COLGALT2: variants seen among roughly 807,000 people sequenced by gnomAD.
COLGALT2 encodes procollagen galactosyltransferase 2.
A neutral mutation model predicts 73.4 loss-of-function variants in COLGALT2; 49 were observed. That is an observed-to-expected ratio of 0.67 (90% confidence interval 0.53 to 0.85). COLGALT2 has a LOEUF of 0.85. COLGALT2 is among the 40% of genes least tolerant of loss of function. COLGALT2 has a pLI of 0.00. For synonymous variants in COLGALT2, 295 were observed against 307.6 expected, an observed-to-expected ratio of 0.96 and a Z score of 0.43; for missense variants, 722 against 790.2, an observed-to-expected ratio of 0.91 and a Z score of 1.03.
chr1:183,986,506 CCAAT>C (rs1671492036), intron 1 of COLGALT2, among the ~76,000 whole-genome samples: 1 of 152,116 alleles, frequency 6.6e-6, no homozygotes, highest in Non-Finnish European at 1.5e-5. Context: ...ATTCAAGCAA[CCAAT>C]CAATTTCATC....
At chr1:183,986,622 A>C (rs963476954) in intron 1 of COLGALT2, among the ~76,000 whole-genome samples, 1 of 152,186 alleles carries the variant, frequency 6.6e-6, no homozygotes, top group Non-Finnish European at 1.5e-5. Context: ...AAAATTAATA[A>C]ACTTAATTAA....
At chr1:183,967,046 G>A (rs1572644485) in intron 5 of COLGALT2, among the ~76,000 whole-genome samples, 1 of 152,246 alleles carries the variant, frequency 6.6e-6, no homozygotes, top group African/African-American at 2.4e-5. Context: ...AAAGTGCTTT[G>A]CTTTGAAACT....
chr1:184,012,038 T>G (rs1051953992), intron 1 of COLGALT2, among the ~76,000 whole-genome samples: 21 of 152,222 alleles, frequency 1.4e-4, no homozygotes, highest in Non-Finnish European at 2.2e-4. Context: ...CTGTTGAGGA[T>G]GACATTTCTC....
intron 10 of COLGALT2, among the ~76,000 whole-genome samples, chr1:183,942,256 T>C (rs996164236): frequency 6.6e-6 from 1 of 152,138 alleles, no homozygotes; most frequent in Non-Finnish European, 1.5e-5. Context: ...CCCAGTTTAC[T>C]TAAACAGCTG....
intron 1 of COLGALT2, among the ~76,000 whole-genome samples, chr1:183,998,337 T>A (rs1465053934): frequency 6.6e-6 from 1 of 152,226 alleles, no homozygotes; most frequent in Non-Finnish European, 1.5e-5. Context: ...TTTTTGCCCA[T>A]TTTTCTGTTA....
intron 6 of COLGALT2, among the ~76,000 whole-genome samples, chr1:183,955,205 T>G (rs941698212): frequency 2.6e-5 from 4 of 152,172 alleles, no homozygotes; most frequent in Non-Finnish European, 4.4e-5. Flanking sequence ...TTAAGCTCAT[T>G]TCTTTGGTGT....
intron 6 of COLGALT2, among the ~76,000 whole-genome samples, chr1:183,960,267 TC>T (rs1381997059): frequency 1.3e-5 from 2 of 152,232 alleles, no homozygotes; most frequent in Admixed American, 6.5e-5. Flanking sequence ...AAGTCAGCTC[TC>T]CTTCAGCATG....
downstream of COLGALT2, among the ~76,000 whole-genome samples, chr1:183,935,302 G>T (rs891070814): frequency 6.6e-6 from 1 of 152,192 alleles, no homozygotes; most frequent in Non-Finnish European, 1.5e-5. Flanking sequence ...GCCCCACACA[G>T]CAGTAGGGAC....
At chr1:184,033,976 G>A (rs1236652215) in intron 1 of COLGALT2, among the ~76,000 whole-genome samples, 1 of 152,238 alleles carries the variant, frequency 6.6e-6, no homozygotes, top group Non-Finnish European at 1.5e-5. Context: ...TGGCTTTGCA[G>A]AATGGATACT....
chr1:184,003,861 A>G (rs1429192834), intron 1 of COLGALT2, among the ~76,000 whole-genome samples: 1 of 152,214 alleles, frequency 6.6e-6, no homozygotes, highest in African/African-American at 2.4e-5. Context: ...TTCCACTAGT[A>G]ACACGACTCT....
chr1:183,935,902 C>T lies in COLGALT2; in HGVS notation c.*2859G>A, dbSNP rs1669938374. The T allele has an allele frequency of 1.0e-6, 1 of 985,346 alleles. No individual in the cohort carries two copies. The highest frequency in any genetic ancestry group is 1.1e-4 in the East Asian group (1 of 8,832). 61.0% of individuals were successfully genotyped at this position (985,346 alleles called of 1,614,324 possible). A position where few individuals can be genotyped will look rare whatever the true frequency, so the allele number is the denominator to read the frequency against. On this transcript the variant is annotated 3_prime_UTR_variant, in exon 12 of 12. Transcript: ENST00000361927. Reference sequence around the variant, plus strand: ...AGGCAAATAGTTTATCACTTCCCCACTCTGAAATAGCACGCAAGACAGATG... The same window carrying T: ...AGGCAAATAGTTTATCACTTCCCCATTCTGAAATAGCACGCAAGACAGATG...
At chr1:183,988,285 A>G (rs1671539951) in intron 1 of COLGALT2, among the ~76,000 whole-genome samples, 1 of 152,230 alleles carries the variant, frequency 6.6e-6, no homozygotes, top group African/African-American at 2.4e-5. Context: ...AACACCGTAC[A>G]TACCTCCTCT....
chr1:183,936,035 G>A lies in COLGALT2; in HGVS notation c.*2726C>T. On this transcript the variant is annotated 3_prime_UTR_variant, in exon 12 of 12. Transcript: ENST00000361927. ...AGCGTGTCCTCTGCAAAGTGCAGGT[G>A]TTCAGTCCACACACAGCAGCACCAG... The A allele has an allele frequency of 1.0e-6, 1 of 985,474 alleles. No homozygotes were observed. Among genetic ancestry groups the A allele is most frequent in the Non-Finnish European group, 1.2e-6 (1 of 829,962 alleles). 61.0% of individuals were successfully genotyped at this position (985,474 alleles called of 1,614,324 possible).
At chr1:183,978,122 T>C (rs1212681968) in intron 2 of COLGALT2, among the ~76,000 whole-genome samples, 1 of 152,172 alleles carries the variant, frequency 6.6e-6, no homozygotes. Flanking sequence ...TAAAAGTTTG[T>C]TTAAAATATG....
downstream of COLGALT2, among the ~76,000 whole-genome samples, chr1:183,931,657 T>C (rs551995238): frequency 3.3e-5 from 5 of 152,244 alleles, no homozygotes; most frequent in East Asian, 7.7e-4. Flanking sequence ...AAGCCAGTTA[T>C]CAGTATCCAA....
At chr1:183,993,670 C>T (rs933902977) in intron 1 of COLGALT2, among the ~76,000 whole-genome samples, 1 of 152,208 alleles carries the variant, frequency 6.6e-6, no homozygotes, top group Non-Finnish European at 1.5e-5. Context: ...CTCTAGCTGC[C>T]ACCATGTTCT....
intron 1 of COLGALT2, among the ~76,000 whole-genome samples, chr1:184,004,642 T>C (rs1672021141): frequency 2.0e-5 from 3 of 152,236 alleles, no homozygotes; most frequent in African/African-American, 7.2e-5. Context: ...GTAGATGATT[T>C]ACAAACATCC....
chr1:183,954,905 G>T, intron 6 of COLGALT2, 67 bp from the exon 7 acceptor site: 1 of 1,196,886 alleles, frequency 8.4e-7, no homozygotes, highest in Non-Finnish European at 1.2e-6. Flanking sequence ...AATTCCATCC[G>T]CATGCCTGAT....
chr1:183,941,552 G>C (rs1670110725), intron 10 of COLGALT2, among the ~76,000 whole-genome samples: 1 of 152,244 alleles, frequency 6.6e-6, no homozygotes, highest in South Asian at 2.1e-4. Context: ...ATTTGGGCTT[G>C]ACTGGAGCAA....
Sources: allele counts gnomAD v4.1 joint callset (sites outside exome capture counted in the v4.1 genomes callset), GRCh38; gene constraint gnomAD v4.1.1; transcripts MANE v1.5; gene names NCBI Gene and HGNC (gene_info 2026-07-23, HGNC 2026-07-21).